Variants in MYT1L observed in about 807,000 individuals in gnomAD.
The protein encoded by MYT1L is myelin transcription factor 1 like.
Under a neutral mutation model 126.7 loss-of-function variants are expected in MYT1L, and 12 were observed. The ratio of observed to expected loss-of-function variants is 0.09; its 90% CI spans 0.06 to 0.15. The LOEUF (loss-of-function observed/expected upper bound fraction) is 0.15. MYT1L is among the 10% of genes least tolerant of loss of function. MYT1L has a pLI of 1.00. For missense variants in MYT1L, 979 were observed against 1,585.2 expected (o/e 0.62, Z 6.49); for synonymous variants, 541 against 604.2 (o/e 0.90, Z 1.53).
intron 4 of MYT1L, among the ~76,000 whole-genome samples, chr2:2,018,697 A>C (rs1005137106): frequency 6.6e-6 from 1 of 152,204 alleles, no homozygotes. Context: ...GGGCCTGAAC[A>C]CTTGGACTGT....
chr2:1,977,553 A>T (rs1000329141), intron 8 of MYT1L, among the ~76,000 whole-genome samples: 1 of 152,234 alleles, frequency 6.6e-6, no homozygotes, highest in African/African-American at 2.4e-5. Context: ...TTTGTAACAC[A>T]AAGGATAAAT....
chr2:2,304,437 G>C (rs2095831168), intron 1 of MYT1L, among the ~76,000 whole-genome samples: 1 of 152,170 alleles, frequency 6.6e-6, no homozygotes, highest in Non-Finnish European at 1.5e-5. Flanking sequence ...TGAGGACGAT[G>C]ACTTAAACCT....
chr2:1,983,051 G>C (rs1051891409), intron 5 of MYT1L, among the ~76,000 whole-genome samples: 1 of 151,758 alleles, frequency 6.6e-6, no homozygotes, highest in African/African-American at 2.4e-5. Flanking sequence ...TTTTTTTCCA[G>C]TCAGATAGCT....
chr2:2,234,801 C>G (rs933107855), intron 2 of MYT1L, among the ~76,000 whole-genome samples: 1 of 152,172 alleles, frequency 6.6e-6, no homozygotes, highest in African/African-American at 2.4e-5. Context: ...AGAACTCAAG[C>G]AAAATAACAT....
At chr2:2,080,143 G>T (rs1374121958) in intron 3 of MYT1L, among the ~76,000 whole-genome samples, 2 of 152,176 alleles carry the variant, frequency 1.3e-5, no homozygotes, top group Admixed American at 6.5e-5. Flanking sequence ...AGTTGGACAG[G>T]TATCACACCA....
At chr2:2,195,496 G>GAGCA (rs2092761062) in intron 2 of MYT1L, among the ~76,000 whole-genome samples, 1 of 152,150 alleles carries the variant, frequency 6.6e-6, no homozygotes, top group Non-Finnish European at 1.5e-5. Context: ...TACAGAGGCT[G>GAGCA]AGAGTAAGGC....
At chr2:1,974,095 C>T (rs1173501763) in intron 8 of MYT1L, among the ~76,000 whole-genome samples, 1 of 152,210 alleles carries the variant, frequency 6.6e-6, no homozygotes, top group Non-Finnish European at 1.5e-5. Context: ...GGAGGCCACA[C>T]CAGGCTGACT....
At chr2:2,225,119 T>A (rs1044247019) in intron 2 of MYT1L, among the ~76,000 whole-genome samples, 1 of 151,976 alleles carries the variant, frequency 6.6e-6, no homozygotes, top group Non-Finnish European at 1.5e-5. Flanking sequence ...TTTTTTTTTT[T>A]TCTCAGTCTC....
intron 2 of MYT1L, among the ~76,000 whole-genome samples, chr2:2,174,915 G>GT (rs1272540583): frequency 1.3e-5 from 2 of 151,976 alleles, no homozygotes; most frequent in East Asian, 3.9e-4. Context: ...GTTTAAATCT[G>GT]TTTTTTAGCA....
At chr2:1,822,041 C>G (rs1222739346) in intron 21 of MYT1L, among the ~76,000 whole-genome samples, 2 of 152,300 alleles carry the variant, frequency 1.3e-5, no homozygotes, top group Non-Finnish European at 2.9e-5. Flanking sequence ...AGGTCCCAGC[C>G]TCTTTTCTAT....
At chr2:2,164,200 G>GT (rs1183901229) in intron 3 of MYT1L, among the ~76,000 whole-genome samples, 3 of 151,946 alleles carry the variant, frequency 2.0e-5, no homozygotes, top group South Asian at 2.1e-4. Flanking sequence ...ATAGGCGTTT[G>GT]TTTTTTGTTT....
chr2:1,971,150 A>G (rs1482996208), intron 8 of MYT1L, among the ~76,000 whole-genome samples: 1 of 152,228 alleles, frequency 6.6e-6, no homozygotes, highest in East Asian at 1.9e-4. Context: ...ACTGCACTCC[A>G]GCCTGGGGGA....
chr2:2,014,392 C>T (rs1021385641), intron 4 of MYT1L, among the ~76,000 whole-genome samples: 2 of 152,156 alleles, frequency 1.3e-5, no homozygotes, highest in Non-Finnish European at 2.9e-5. Context: ...GATAATCCGC[C>T]CTTCACTGCT....
In MYT1L at chr2:1,887,688, G is replaced by C; in HGVS notation, c.2521-79C>G. 3 of 1,578,358 alleles carry C rather than the reference G, an allele frequency of 1.9e-6. No homozygotes were observed. Among genetic ancestry groups the C allele is most frequent in the Non-Finnish European group, 2.6e-6 (3 of 1,151,164 alleles). On this transcript the variant is annotated intron_variant, in intron 16 of 24. Coordinates refer to ENST00000647738, the MANE Select transcript of MYT1L (RefSeq NM_001303052.2). This position sits in a 1 kb window ranked among gnomAD's most constrained non-coding sequence, Gnocchi z 4.8. ...CTGAGGGAGGTGGTTCGTGGCTCTG[G>C]GGTGGCCTCTACATCTTACACCTCT...
intron 1 of MYT1L, among the ~76,000 whole-genome samples, chr2:2,322,936 AT>A (rs1006833037): frequency 2.6e-5 from 4 of 152,156 alleles, no homozygotes; most frequent in South Asian, 2.1e-4. Flanking sequence ...TAAAAACTCA[AT>A]TTTTTTCTTC....
chr2:1,805,336 G>A (rs1210014896), intron 22 of MYT1L, among the ~76,000 whole-genome samples: 4 of 152,220 alleles, frequency 2.6e-5, no homozygotes, highest in African/African-American at 9.6e-5. Context: ...CCTCACAGTG[G>A]ATTCCGGTGG....
intron 3 of MYT1L, among the ~76,000 whole-genome samples, chr2:2,144,172 C>G (rs1247683602): frequency 6.6e-6 from 1 of 152,118 alleles, no homozygotes; most frequent in African/African-American, 2.4e-5. Context: ...GCACCTGCAC[C>G]TGGGAGGTTA....
At chr2:1,966,817 T>C (rs1259870570) in intron 8 of MYT1L, among the ~76,000 whole-genome samples, 1 of 150,048 alleles carries the variant, frequency 6.7e-6, no homozygotes, top group Non-Finnish European at 1.5e-5. Flanking sequence ...TTTACATCGA[T>C]CATATGAGAC....
intron 12 of MYT1L, among the ~76,000 whole-genome samples, chr2:1,911,615 C>T (rs2051989988): frequency 6.6e-6 from 1 of 152,138 alleles, no homozygotes; most frequent in Non-Finnish European, 1.5e-5. Context: ...TACTTGTGAC[C>T]TGGGGTTTCC....
Sources: allele counts gnomAD v4.1 joint callset (sites outside exome capture counted in the v4.1 genomes callset), GRCh38; gene constraint gnomAD v4.1.1; non-coding constraint Gnocchi (gnomAD v3.1); transcripts MANE v1.5; gene names NCBI Gene and HGNC (gene_info 2026-07-23, HGNC 2026-07-21).